PIK3C2A: variants seen among roughly 807,000 people sequenced by gnomAD.
PIK3C2A encodes phosphatidylinositol 4-phosphate 3-kinase C2 domain-containing subunit alpha.
Under a neutral mutation model 204.5 loss-of-function variants are expected in PIK3C2A, and 97 were observed. The ratio of observed to expected loss-of-function variants is 0.47; its 90% confidence interval spans 0.40 to 0.56. The LOEUF is 0.56. PIK3C2A is among the 20% of genes least tolerant of loss of function. The pLI is 0.00. For missense variants in PIK3C2A, 1,735 were observed against 1,969.2 expected, an observed-to-expected ratio of 0.88 and a Z score of 2.25; for synonymous variants, 653 against 664.4, an observed-to-expected ratio of 0.98 and a Z score of 0.26.
chr11:17,135,100 TA>T lies in PIK3C2A; in HGVS notation c.1897+10del. 1 of 1,613,890 alleles carries T rather than the reference TA, an allele frequency of 6.2e-7. No homozygotes were observed. Among genetic ancestry groups the T allele is most frequent in the Non-Finnish European group, 8.5e-7 (1 of 1,179,812 alleles). ...TGATTATTGCTAAAATTTAAAGATTTAAACACATACCCCTAGTTGAACTCCT... is the reference window on the plus strand; with the variant it reads ...TGATTATTGCTAAAATTTAAAGATTTAACACATACCCCTAGTTGAACTCCT... On this transcript the variant is annotated intron_variant, in intron 10 of 32. Transcript: ENST00000691414.
intron 23 of PIK3C2A, among the ~76,000 whole-genome samples, chr11:17,104,099 A>G (rs1848726939): frequency 6.6e-6 from 1 of 152,200 alleles, no homozygotes; most frequent in Non-Finnish European, 1.5e-5. Context: ...TAAACTAGGC[A>G]GCTCCATGAC....
At chr11:17,135,277 TAATAA>T in intron 9 of PIK3C2A, 118 bp from the exon 10 acceptor site, 1 of 895,432 alleles carries the variant, frequency 1.1e-6, no homozygotes, top group Non-Finnish European at 1.8e-6. Context: ...TCTACAGAAT[TAATAA>T]AACGATAAAT....
chr11:17,128,775 A>C (rs1849601892), intron 13 of PIK3C2A, among the ~76,000 whole-genome samples: 2 of 152,202 alleles, frequency 1.3e-5, no homozygotes, highest in Non-Finnish European at 2.9e-5. Flanking sequence ...TTTACCCCTA[A>C]GGATAAGGGA....
chr11:17,159,103 C>T (rs1267998724), intron 2 of PIK3C2A, among the ~76,000 whole-genome samples: 1 of 152,210 alleles, frequency 6.6e-6, no homozygotes, highest in Non-Finnish European at 1.5e-5. Flanking sequence ...CACTTCCAAA[C>T]TCCACACAAA....
chr11:17,131,500 A>C (rs1006177002), intron 12 of PIK3C2A, among the ~76,000 whole-genome samples: 2 of 149,826 alleles, frequency 1.3e-5, no homozygotes, highest in South Asian at 2.1e-4. Flanking sequence ...CAGCTCACTG[A>C]AAGCTCTGCC....
intron 8 of PIK3C2A, among the ~76,000 whole-genome samples, chr11:17,142,246 G>GT (rs1338672564): frequency 6.6e-6 from 1 of 152,132 alleles, no homozygotes; most frequent in Non-Finnish European, 1.5e-5. Flanking sequence ...TGTGGAAAAG[G>GT]TTAAGGTTAG....
At chr11:17,100,183 AC>A (rs1465593139) in intron 25 of PIK3C2A, among the ~76,000 whole-genome samples, 1 of 138,758 alleles carries the variant, frequency 7.2e-6, no homozygotes, top group Non-Finnish European at 1.5e-5. Context: ...GTGGTCAAAA[AC>A]CCAGTTTATA....
At chr11:17,193,917 G>GAAAAGAAAAGA (rs869134754) in intron 1 of PIK3C2A, 1 of 264,676 alleles carries the variant, frequency 3.8e-6, no homozygotes. Context: ...GAAAAGAAAA[G>GAAAAGAAAAGA]AAACCCCGAT....
intron 3 of PIK3C2A, among the ~76,000 whole-genome samples, chr11:17,152,976 A>C (rs1850468391): frequency 1.3e-5 from 2 of 152,162 alleles, no homozygotes; most frequent in East Asian, 3.8e-4. Context: ...TTTTGGGGTC[A>C]AGATACTAGT....
chr11:17,125,342 G>C (rs7125829), intron 13 of PIK3C2A, among the ~76,000 whole-genome samples: 1 of 152,004 alleles, frequency 6.6e-6, no homozygotes, highest in Non-Finnish European at 1.5e-5. Flanking sequence ...TAGGGATGCC[G>C]CTAAACATCC....
intron 28 of PIK3C2A, among the ~76,000 whole-genome samples, chr11:17,092,537 A>G (rs548544623): frequency 1.3e-5 from 2 of 152,252 alleles, no homozygotes; most frequent in South Asian, 4.2e-4. Flanking sequence ...TGATGCCTAT[A>G]ATCAGATACC....
chr11:17,095,361 G>A (rs1189630092), intron 27 of PIK3C2A, among the ~76,000 whole-genome samples: 1 of 150,226 alleles, frequency 6.7e-6, no homozygotes, highest in African/African-American at 2.5e-5. Flanking sequence ...GGATCACAAG[G>A]TCAGGATATT....
chr11:17,180,634 C>T (rs1213764611), intron 1 of PIK3C2A, among the ~76,000 whole-genome samples: 4 of 151,980 alleles, frequency 2.6e-5, no homozygotes, highest in Non-Finnish European at 5.9e-5. Context: ...CCAGCCTGAC[C>T]GACATGGAGA....
intron 12 of PIK3C2A, among the ~76,000 whole-genome samples, chr11:17,131,316 A>G (rs985964728): frequency 6.6e-6 from 1 of 152,188 alleles, no homozygotes; most frequent in African/African-American, 2.4e-5. Flanking sequence ...TATAACTTTC[A>G]TTCCTTTCTA....
Position 17,158,937 on chromosome 11 carries a change from G to A in PIK3C2A, c.1066-3308C>T, listed in dbSNP as rs532446731. Reference sequence around the variant, plus strand: ...TCAAGGTAATAATAGAATCTGGAAAGTTAACTCAAATGTTAAAGTCTGTAA... The same window carrying A: ...TCAAGGTAATAATAGAATCTGGAAAATTAACTCAAATGTTAAAGTCTGTAA... On this transcript the variant is annotated intron_variant, in intron 2 of 32. Coordinates refer to ENST00000691414, the MANE Select transcript of PIK3C2A (RefSeq NM_002645.4). Among the ~76,000 whole-genome samples, 372 of 152,236 alleles carry A rather than the reference G, an allele frequency of 2.4e-3. 1 individual carries two copies. Among genetic ancestry groups the A allele is most frequent in the Non-Finnish European group, 3.7e-3 (255 of 68,016 alleles).
chr11:17,091,293 A>G, intron 32 of PIK3C2A, 41 bp downstream of exon 32: 1 of 1,565,184 alleles, frequency 6.4e-7, no homozygotes, highest in African/African-American at 1.4e-5. Context: ...AATTAAAAAA[A>G]TAATAAACCA....
chr11:17,164,534 A>G (rs1023997723), intron 2 of PIK3C2A, among the ~76,000 whole-genome samples: 9 of 152,214 alleles, frequency 5.9e-5, no homozygotes, highest in Non-Finnish European at 8.8e-5. Flanking sequence ...ATGTCAGTTC[A>G]GATAGCATGC....
At chr11:17,107,472 A>C (rs1446476987) in intron 22 of PIK3C2A, among the ~76,000 whole-genome samples, 1 of 152,236 alleles carries the variant, frequency 6.6e-6, no homozygotes, top group Non-Finnish European at 1.5e-5. Context: ...GTGTTTGAAA[A>C]GAAGGATGGT....
In PIK3C2A at chr11:17,092,258, A is replaced by G; in HGVS notation, c.4470T>C (p.Val1490=). The change falls in exon 29 of 33, where the codon GTT becomes GTC. Residue 1490 remains valine, a synonymous_variant. Transcript: ENST00000691414. ...CATCTTTTATGTGTGTTCTTCCTAG[A>G]ACCATCCTATTAGGAAAGCTACAAA... is the stretch of plus-strand genomic sequence containing the variant. ...WKLPGFPNRM[V]LGRTHIKDVA... is the part of the protein sequence containing the mutation. The G allele has an allele frequency of 2.6e-6, 4 of 1,550,854 alleles. No homozygotes were observed. Among genetic ancestry groups the G allele is most frequent in the Non-Finnish European group, 3.6e-6 (4 of 1,123,382 alleles).
Sources: gnomAD v4.1 joint callset for allele counts (sites outside exome capture counted in the v4.1 genomes callset) on GRCh38, gnomAD v4.1.1 for gene constraint, MANE v1.5 for transcripts, NCBI Gene and HGNC (gene_info 2026-07-23, HGNC 2026-07-21) for gene names.